Variants in CFAP45 observed in about 807,000 individuals in gnomAD.
CFAP45 encodes the protein cilia- and flagella-associated protein 45.
CFAP45 carries 43 observed loss-of-function variants against 75.6 expected under a neutral mutation model. The observed-to-expected ratio is 0.57, with a 90% CI of 0.45 to 0.73. The LOEUF (loss-of-function observed/expected upper bound fraction) is 0.73, where lower values mean the gene tolerates loss of function less well. CFAP45 is among the 30% of genes least tolerant of loss of function. The pLI is 0.00. For missense variants in CFAP45, 689 were observed against 701.5 expected (o/e 0.98, Z 0.20); for synonymous variants, 223 against 244.6 (o/e 0.91, Z 0.82).
At chr1:159,874,154 T>C (rs1401897562) in intron 10 of CFAP45, among the ~76,000 whole-genome samples, 1 of 152,082 alleles carries the variant, frequency 6.6e-6, no homozygotes, top group Non-Finnish European at 1.5e-5. Flanking sequence ...AAAAAATGCA[T>C]TTATAGGCCT....
intron 1 of CFAP45, 34 bp downstream of exon 1, chr1:159,900,062 G>A: frequency 6.2e-7 from 1 of 1,613,500 alleles, no homozygotes; most frequent in Non-Finnish European, 8.5e-7. Flanking sequence ...ACCCAATTCA[G>A]GACACAAGGG....
At chr1:159,883,821 T>C (rs1356295193) in intron 7 of CFAP45, among the ~76,000 whole-genome samples, 1 of 152,172 alleles carries the variant, frequency 6.6e-6, no homozygotes, top group Non-Finnish European at 1.5e-5. Flanking sequence ...GTGCCTGCCA[T>C]GTCCCTCACT....
At chr1:159,876,511 C>A in intron 10 of CFAP45, 45 bp downstream of exon 10, 1 of 1,378,572 alleles carries the variant, frequency 7.3e-7, no homozygotes, top group African/African-American at 1.4e-5. Flanking sequence ...ACCATCCCTG[C>A]TACAGTACAA....
intron 1 of CFAP45, among the ~76,000 whole-genome samples, chr1:159,896,607 A>G (rs977044369): frequency 2.6e-5 from 4 of 152,244 alleles, no homozygotes; most frequent in African/African-American, 4.8e-5. Context: ...TGCATGACCA[A>G]ATAAATATTG....
intron 1 of CFAP45, 146 bp from the exon 2 acceptor site, chr1:159,893,451 A>G (rs1649876199): frequency 2.7e-6 from 2 of 734,560 alleles, no homozygotes; most frequent in Non-Finnish European, 4.6e-6. Context: ...TAAACTCTGA[A>G]CCATAGGGGA....
chr1:159,886,541 A>T lies in CFAP45; in HGVS notation c.737T>A (p.Leu246Gln). ...RQKSIQRQEE[L>Q]ERKRREERIR... ...TCTTTCCTCCCTCCTCTTCCTCTCCAGTTCCTCCTGCCTTTGAATGGATTT... is the reference window on the plus strand; with the variant it reads ...TCTTTCCTCCCTCCTCTTCCTCTCCTGTTCCTCCTGCCTTTGAATGGATTT... Residue 246 changes from leucine (L) to glutamine (Q), a missense_variant, in exon 6 of 12, where the codon CTG becomes CAG. Physicochemically the swap from Leu to Gln is moderately radical, Grantham distance 113 (BLOSUM62 -2). Transcript: ENST00000368099. 1 of 1,614,096 alleles carries T rather than the reference A, an allele frequency of 6.2e-7. No homozygotes were observed. Among genetic ancestry groups the T allele is most frequent in the African/African-American group, 1.3e-5 (1 of 75,004 alleles).
At position 159,880,708 on chromosome 1, in the gene CFAP45, C is replaced by T. The variant is rs1649528789; in HGVS notation, c.898-8G>A. 6.2e-7 allele frequency: 1 copy of T among 1,613,148 alleles called. No individual in the cohort carries two copies. Among genetic ancestry groups the T allele is most frequent in the Non-Finnish European group, 8.5e-7 (1 of 1,179,566 alleles). ...CTGCCTTCGTTCCATGTCCTGCCAGCAAAAGAAAGAGAGCCTCAGAGTACA... is the reference window on the plus strand; with the variant it reads ...CTGCCTTCGTTCCATGTCCTGCCAGTAAAAGAAAGAGAGCCTCAGAGTACA... On this transcript the variant is annotated splice_region_variant and splice_polypyrimidine_tract_variant and intron_variant, in intron 7 of 11. Coordinates refer to ENST00000368099, the MANE Select transcript of CFAP45 (RefSeq NM_012337.3).
chr1:159,877,608 G>T, intron 8 of CFAP45, 146 bp from the exon 9 acceptor site: 1 of 671,714 alleles, frequency 1.5e-6, no homozygotes, highest in Non-Finnish European at 2.7e-6. Flanking sequence ...CAGGTGCCGT[G>T]GCTCATGCCT....
At position 159,890,534 on chromosome 1, in the gene CFAP45, T is replaced by C. The variant is rs780162632; in HGVS notation, c.218A>G (p.Asp73Gly). 12 of 1,614,038 alleles carry C rather than the reference T, an allele frequency of 7.4e-6. No homozygotes were observed. The highest frequency in any genetic ancestry group is 1.0e-5 in the Non-Finnish European group (12 of 1,179,942). Reference sequence around the variant, plus strand: ...GAGCTGGATGGTCTCTGGCTTGCGATCCAAGCCCAAAGCAGTGAGAGTTTT... The same window carrying C: ...GAGCTGGATGGTCTCTGGCTTGCGACCCAAGCCCAAAGCAGTGAGAGTTTT... Reference protein sequence around the residue: ...LQKTLTALGLDRKPETIQLIT... With the variant: ...LQKTLTALGLGRKPETIQLIT... The change falls in exon 3 of 12, where the codon GAT becomes GGT. Residue 73 changes from aspartate to glycine, a missense_variant. Physicochemically the swap from Asp to Gly is moderately conservative, Grantham distance 94. Transcript: ENST00000368099.
chr1:159,875,155 G>A (rs1258156829), intron 10 of CFAP45, among the ~76,000 whole-genome samples: 2 of 152,240 alleles, frequency 1.3e-5, no homozygotes, highest in Non-Finnish European at 2.9e-5. Context: ...TATGCTTCAG[G>A]CAAATGATGC....
chr1:159,893,404 GC>G (rs1649875187), intron 1 of CFAP45, 99 bp from the exon 2 acceptor site: 13 of 1,206,186 alleles, frequency 1.1e-5, no homozygotes, highest in Non-Finnish European at 1.6e-5. Flanking sequence ...GAGTGGGTGG[GC>G]ATGTGAAAAA....
In CFAP45 at chr1:159,900,088, T is replaced by C; in HGVS notation, c.3+8A>G. 1 of 1,614,032 alleles carries C rather than the reference T, an allele frequency of 6.2e-7. No individual in the cohort carries two copies. The highest frequency in any genetic ancestry group is 8.5e-7 in the Non-Finnish European group (1 of 1,179,966). ...GACACAAGGGGCCCATCTGAGGTTC[T>C]CCCTCACCATCTCCTCAGCCACACG... On this transcript the variant is annotated splice_region_variant and intron_variant, in intron 1 of 11. Coordinates refer to ENST00000368099, the MANE Select transcript of CFAP45 (RefSeq NM_012337.3).
chr1:159,891,005 C>T (rs544727158), intron 2 of CFAP45, among the ~76,000 whole-genome samples: 13 of 152,218 alleles, frequency 8.5e-5, no homozygotes, highest in Admixed American at 2.0e-4. Flanking sequence ...ATGATCCGCC[C>T]GCCTGGGCCT....
intron 3 of CFAP45, among the ~76,000 whole-genome samples, chr1:159,889,706 G>A (rs771105362): frequency 6.6e-6 from 1 of 152,212 alleles, no homozygotes; most frequent in Non-Finnish European, 1.5e-5. Context: ...TTGATGCCAC[G>A]GCTGACCAGA....
rs769728215 is a variant in CFAP45 at position 159,900,118 on chromosome 1, G to T, written c.-20C>A. 1.2e-5 allele frequency: 20 copies of T among 1,613,970 alleles called. No individual in the cohort carries two copies. Among genetic ancestry groups the T allele is most frequent in the African/African-American group, 1.3e-5 (1 of 74,922 alleles). On this transcript the variant is annotated 5_prime_UTR_variant, in exon 1 of 12. Transcript: ENST00000368099. ...CACCATCTCCTCAGCCACACGCCCT[G>T]ACTCCGGACTTCTGCTGCCGCCTCG...
chr1:159,872,797 G>C, intron 11 of CFAP45, 147 bp downstream of exon 11: 1 of 852,830 alleles, frequency 1.2e-6, no homozygotes, highest in South Asian at 1.7e-5. Context: ...CCCCTTCAGA[G>C]GGATGAGCCC....
At chr1:159,895,600 C>T (rs1279246432) in intron 1 of CFAP45, among the ~76,000 whole-genome samples, 1 of 152,210 alleles carries the variant, frequency 6.6e-6, no homozygotes, top group East Asian at 1.9e-4. Context: ...CACAGGGAGT[C>T]TCCCTCTACA....
At chr1:159,892,543 A>G (rs1457269169) in intron 2 of CFAP45, among the ~76,000 whole-genome samples, 1 of 151,770 alleles carries the variant, frequency 6.6e-6, no homozygotes, top group East Asian at 1.9e-4. Flanking sequence ...CCTTCTCTTA[A>G]TCTCTCACTG....
At chr1:159,883,949 T>A (rs1649614672) in intron 7 of CFAP45, among the ~76,000 whole-genome samples, 1 of 152,210 alleles carries the variant, frequency 6.6e-6, no homozygotes. Flanking sequence ...ATATGCTTAC[T>A]AATTTTATTT....
Sources: gnomAD v4.1 joint callset for allele counts (sites outside exome capture counted in the v4.1 genomes callset) on GRCh38, gnomAD v4.1.1 for gene constraint, MANE v1.5 for transcripts, NCBI Gene and HGNC (gene_info 2026-07-23, HGNC 2026-07-21) for gene names.